DAAM1: variants seen among roughly 807,000 people sequenced by gnomAD.
DAAM1 encodes dishevelled associated activator of morphogenesis 1, also known as disheveled-associated activator of morphogenesis 1.
DAAM1 carries 52 observed loss-of-function variants against 130.0 expected under a neutral mutation model. That is an observed-to-expected ratio of 0.40 (90% CI 0.32 to 0.50). The LOEUF is 0.50. Ranked by LOEUF, DAAM1 falls within the 20% of genes least tolerant of loss-of-function variation. DAAM1 has a pLI of 0.61. For synonymous variants in DAAM1, 452 were observed against 444.5 expected (o/e 1.02, Z -0.21); for missense variants, 1,134 against 1,303.8 (o/e 0.87, Z 2.01).
intron 5 of DAAM1, among the ~76,000 whole-genome samples, chr14:59,321,730 T>C (rs888372867): frequency 2.6e-5 from 4 of 152,218 alleles, no homozygotes; most frequent in African/African-American, 9.7e-5. Flanking sequence ...GACTATAAAA[T>C]GCAAACTAAG....
chr14:59,350,836 T>C (rs903346676), intron 17 of DAAM1, among the ~76,000 whole-genome samples: 2 of 152,198 alleles, frequency 1.3e-5, no homozygotes, highest in African/African-American at 4.8e-5. Flanking sequence ...CCTTGAATGC[T>C]GGTTCTCTTC....
intron 1 of DAAM1, among the ~76,000 whole-genome samples, chr14:59,236,716 A>G (rs1307855250): frequency 6.6e-6 from 1 of 152,132 alleles, no homozygotes. Flanking sequence ...GTGATGACTC[A>G]GGGTGGGTAA....
intron 20 of DAAM1, among the ~76,000 whole-genome samples, chr14:59,356,489 GT>G (rs1430101794): frequency 6.6e-6 from 1 of 152,164 alleles, no homozygotes; most frequent in Non-Finnish European, 1.5e-5. Context: ...GTCACCTGTT[GT>G]CAGGTAAGAA....
At position 59,304,046 on chromosome 14, in the gene DAAM1, A is replaced by G. The variant is rs190046396; in HGVS notation, c.274-11234A>G. Among the ~76,000 whole-genome samples the G allele has an allele frequency of 3.6e-3, 550 of 152,356 alleles. 6 individuals carry two copies. Among genetic ancestry groups the G allele is most frequent in the Non-Finnish European group, 2.1e-3 (141 of 68,038 alleles). ...TGGATTATAGTCAGATTCAAGTACCATATTCCATGCTGTCTTTCCTTTGAG... is the reference window on the plus strand; with the variant it reads ...TGGATTATAGTCAGATTCAAGTACCGTATTCCATGCTGTCTTTCCTTTGAG... On this transcript the variant is annotated intron_variant, in intron 3 of 24. Transcript: ENST00000360909.
chr14:59,280,872 A>C (rs1452458588), intron 2 of DAAM1, among the ~76,000 whole-genome samples: 1 of 152,120 alleles, frequency 6.6e-6, no homozygotes, highest in Admixed American at 6.6e-5. Flanking sequence ...CAGAGGTAAT[A>C]GTTTTAAGTG....
chr14:59,266,740 G>A, intron 2 of DAAM1, among the ~76,000 whole-genome samples: 1 of 152,210 alleles, frequency 6.6e-6, no homozygotes, highest in Admixed American at 6.5e-5. Context: ...TCTGCCCCAG[G>A]TTCTCTTGAG....
chr14:59,311,185 G>T (rs1884578633), intron 3 of DAAM1, among the ~76,000 whole-genome samples: 1 of 152,178 alleles, frequency 6.6e-6, no homozygotes. Flanking sequence ...TATGAGTATA[G>T]AAATTTTGAA....
intron 1 of DAAM1, among the ~76,000 whole-genome samples, chr14:59,221,476 C>T (rs1205519136): frequency 1.3e-5 from 2 of 152,206 alleles, no homozygotes; most frequent in African/African-American, 4.8e-5. Flanking sequence ...CCTTTGCCTT[C>T]AGCTGGTTAT....
intron 23 of DAAM1, among the ~76,000 whole-genome samples, chr14:59,367,121 C>T (rs1275616140): frequency 2.9e-4 from 44 of 151,882 alleles, no homozygotes; most frequent in Admixed American, 2.9e-3. Flanking sequence ...AATCCTGACT[C>T]TACTAAAAAT....
intron 4 of DAAM1, 58 bp from the exon 5 acceptor site, chr14:59,320,428 CTTGT>C: frequency 1.5e-6 from 2 of 1,325,958 alleles, no homozygotes; most frequent in Middle Eastern, 2.0e-4. Context: ...GTAGGTTTGT[CTTGT>C]TTGTACTGTA....
intron 1 of DAAM1, among the ~76,000 whole-genome samples, chr14:59,204,871 A>AAAAT (rs1256041102): frequency 6.6e-6 from 1 of 152,220 alleles, no homozygotes; most frequent in Non-Finnish European, 1.5e-5. Context: ...CTCTCTTAAA[A>AAAAT]AAATAAATAA....
At chr14:59,204,447 T>C (rs1239847863) in intron 1 of DAAM1, among the ~76,000 whole-genome samples, 1 of 152,238 alleles carries the variant, frequency 6.6e-6, no homozygotes, top group Non-Finnish European at 1.5e-5. Flanking sequence ...AACATCTCTC[T>C]GATTTTTTTC....
At chr14:59,316,701 A>G (rs1439786497) in intron 4 of DAAM1, among the ~76,000 whole-genome samples, 1 of 152,242 alleles carries the variant, frequency 6.6e-6, no homozygotes, top group Non-Finnish European at 1.5e-5. Flanking sequence ...GCATCTGCCT[A>G]AGCAATAATA....
chr14:59,251,209 G>T (rs1050755113), intron 1 of DAAM1, among the ~76,000 whole-genome samples: 1 of 152,178 alleles, frequency 6.6e-6, no homozygotes, highest in South Asian at 2.1e-4. Context: ...CACCTTTGTT[G>T]ATACATCTTG....
intron 3 of DAAM1, among the ~76,000 whole-genome samples, chr14:59,298,987 T>G (rs1884067121): frequency 6.6e-6 from 1 of 152,206 alleles, no homozygotes; most frequent in South Asian, 2.1e-4. Context: ...ACCAAAACAT[T>G]AGCTGTCTTT....
chr14:59,300,435 A>G (rs1052587885), intron 3 of DAAM1, among the ~76,000 whole-genome samples: 1 of 152,354 alleles, frequency 6.6e-6, no homozygotes, highest in Middle Eastern at 3.4e-3. Flanking sequence ...CCTAATTACC[A>G]GAGCAATCAT....
intron 1 of DAAM1, among the ~76,000 whole-genome samples, chr14:59,248,727 A>G (rs1432829132): frequency 6.6e-6 from 1 of 152,176 alleles, no homozygotes; most frequent in Non-Finnish European, 1.5e-5. Flanking sequence ...TAGGGCAAGC[A>G]GGTTTAAAGT....
chr14:59,225,025 T>TTTTTTG (rs1182712287), intron 1 of DAAM1, among the ~76,000 whole-genome samples: 18 of 136,474 alleles, frequency 1.3e-4, no homozygotes, highest in Non-Finnish European at 2.8e-4. Flanking sequence ...GTGGGTTTTT[T>TTTTTTG]TTTTTTTTTT....
chr14:59,261,399 G>A (rs1437979335), intron 1 of DAAM1, among the ~76,000 whole-genome samples: 1 of 152,154 alleles, frequency 6.6e-6, no homozygotes, highest in Non-Finnish European at 1.5e-5. Context: ...CTGGTACATA[G>A]TGGGTATTAA....
Sources: allele counts gnomAD v4.1 joint callset (sites outside exome capture counted in the v4.1 genomes callset), GRCh38; gene constraint gnomAD v4.1.1; transcripts MANE v1.5; gene names NCBI Gene and HGNC (gene_info 2026-07-23, HGNC 2026-07-21).